The following LOC128462377 variants were observed in gnomAD, a reference collection of about 807,000 sequenced individuals.
chr16:89,416,938 C>T, the LOC128462377 span, among the ~76,000 whole-genome samples: 1 of 152,028 alleles, frequency 6.6e-6, no homozygotes, highest in Non-Finnish European at 1.5e-5. Context: ...CCATGGCACC[C>T]CTTTTATCAC....
the LOC128462377 span, among the ~76,000 whole-genome samples, chr16:89,383,706 A>C: frequency 6.6e-6 from 1 of 152,296 alleles, no homozygotes; most frequent in Non-Finnish European, 1.5e-5. Flanking sequence ...CTGCCCTCGG[A>C]CCAGCAACGC....
At chr16:89,362,393 T>C in the LOC128462377 span, among the ~76,000 whole-genome samples, 1 of 151,930 alleles carries the variant, frequency 6.6e-6, no homozygotes, top group Non-Finnish European at 1.5e-5. Flanking sequence ...CTGGAGAGAG[T>C]GCACGAAAGT....
chr16:89,415,647 G>A, the LOC128462377 span, among the ~76,000 whole-genome samples: 2 of 151,172 alleles, frequency 1.3e-5, no homozygotes, highest in Non-Finnish European at 2.9e-5. Flanking sequence ...GGCCAACACA[G>A]TGAAACCCTA....
the LOC128462377 span, among the ~76,000 whole-genome samples, chr16:89,319,556 G>A: frequency 3.3e-5 from 5 of 152,172 alleles, no homozygotes; most frequent in South Asian, 2.1e-4. Context: ...CCTCGTGTCC[G>A]CCTGGCCTTG....
At chr16:89,323,337 TG>T in the LOC128462377 span, 1 of 1,288,148 alleles carries the variant, frequency 7.8e-7, no homozygotes, top group Non-Finnish European at 1.0e-6. Context: ...ATCCCAGGTA[TG>T]GAAGAGAAGC....
At chr16:89,404,456 G>A in the LOC128462377 span, among the ~76,000 whole-genome samples, 39 of 152,306 alleles carry the variant, frequency 2.6e-4, no homozygotes, top group Non-Finnish European at 5.0e-4. Context: ...GCTTTTAAAG[G>A]ATTAATAGCC....
the LOC128462377 span, among the ~76,000 whole-genome samples, chr16:89,398,089 T>C: frequency 0.012 from 1,869 of 150,284 alleles, 47 homozygotes; most frequent in African/African-American, 0.045. Context: ...CAGCTGAAGA[T>C]TACCTGTAAC....
chr16:89,328,244 G>T, the LOC128462377 span, among the ~76,000 whole-genome samples: 4 of 152,346 alleles, frequency 2.6e-5, no homozygotes, highest in African/African-American at 9.6e-5. Context: ...CTCGCTTGCT[G>T]TGGGAACGCA....
chr16:89,415,844 A>C, the LOC128462377 span, among the ~76,000 whole-genome samples: 6 of 146,032 alleles, frequency 4.1e-5, no homozygotes, highest in South Asian at 2.2e-4. Flanking sequence ...AAAAAAAAAA[A>C]AAAAAACAAT....
At chr16:89,365,519 G>T in the LOC128462377 span, among the ~76,000 whole-genome samples, 2 of 152,180 alleles carry the variant, frequency 1.3e-5, no homozygotes, top group African/African-American at 2.4e-5. Flanking sequence ...CTCTGCCCAA[G>T]AAATGGCTCC....
chr16:89,391,482 G>A, the LOC128462377 span, among the ~76,000 whole-genome samples: 1 of 152,184 alleles, frequency 6.6e-6, no homozygotes, highest in African/African-American at 2.4e-5. Context: ...CCCTGCTGCT[G>A]GGCAGAAAGC....
the LOC128462377 span, among the ~76,000 whole-genome samples, chr16:89,407,490 AGGGCTGTT>A: frequency 6.6e-6 from 1 of 152,152 alleles, no homozygotes; most frequent in Non-Finnish European, 1.5e-5. Context: ...TCGCCTCGTC[AGGGCTGTT>A]GCACGACAGC....
chr16:89,394,419 G>A, the LOC128462377 span, among the ~76,000 whole-genome samples: 579 of 152,270 alleles, frequency 3.8e-3, 11 homozygotes, highest in Admixed American at 0.028. Flanking sequence ...ACCTGAGGTC[G>A]GGAGTTCAAG....
chr16:89,361,561 T>C, the LOC128462377 span: 1 of 152,244 alleles, frequency 6.6e-6, no homozygotes, highest in Non-Finnish European at 1.5e-5. Context: ...CAGAGGAACA[T>C]CCGCATCACC....
At chr16:89,416,296 C>T in the LOC128462377 span, among the ~76,000 whole-genome samples, 2 of 151,728 alleles carry the variant, frequency 1.3e-5, no homozygotes, top group Non-Finnish European at 2.9e-5. Flanking sequence ...ATTTTGAATC[C>T]ATCGATTTTT....
the LOC128462377 span, among the ~76,000 whole-genome samples, chr16:89,385,763 C>T: frequency 6.6e-6 from 1 of 152,272 alleles, no homozygotes; most frequent in East Asian, 1.9e-4. Flanking sequence ...AGAAGGCTAA[C>T]GTGAGTGGCA....
chr16:89,352,867 CCTCTTTTCT>C, the LOC128462377 span, among the ~76,000 whole-genome samples: 2 of 152,214 alleles, frequency 1.3e-5, no homozygotes, highest in African/African-American at 2.4e-5. Context: ...TTGTCCTTTC[CCTCTTTTCT>C]CTCACGGCTT....
At chr16:89,323,266 G>A in the LOC128462377 span, 6 of 1,279,798 alleles carry the variant, frequency 4.7e-6, no homozygotes, top group African/African-American at 1.5e-5. Flanking sequence ...TGCATACCTG[G>A]CAGGCCTACT....
chr16:89,397,436 C>G, the LOC128462377 span, among the ~76,000 whole-genome samples: 1 of 152,222 alleles, frequency 6.6e-6, no homozygotes, highest in East Asian at 1.9e-4. Flanking sequence ...AGCGCCGTAC[C>G]ACTCCCTGCC....
Sources: gnomAD v4.1 joint callset for allele counts (sites outside exome capture counted in the v4.1 genomes callset) on GRCh38, gnomAD v4.1.1 for gene constraint, MANE v1.5 for transcripts.